The following ESRRB variants were observed in gnomAD, a reference collection of about 807,000 sequenced individuals.
ESRRB encodes the protein estrogen related receptor beta.
ESRRB carries 16 observed loss-of-function variants against 46.0 expected under a neutral mutation model. The ratio of observed to expected loss-of-function variants is 0.35; its 90% confidence interval spans 0.24 to 0.53. The LOEUF is 0.53. ESRRB is among the 20% of genes least tolerant of loss of function. ESRRB has a pLI of 0.93. For missense variants in ESRRB, 488 were observed against 607.4 expected, an observed-to-expected ratio of 0.80 and a Z score of 2.07; for synonymous variants, 246 against 259.6, an observed-to-expected ratio of 0.95 and a Z score of 0.50.
chr14:76,422,993 T>A (rs1887036800), intron 1 of ESRRB, among the ~76,000 whole-genome samples: 1 of 152,184 alleles, frequency 6.6e-6, no homozygotes, highest in Admixed American at 6.5e-5. Flanking sequence ...TAAAATTTAG[T>A]TTTTAGCATT....
intron 1 of ESRRB, among the ~76,000 whole-genome samples, chr14:76,342,211 T>G (rs542569734): frequency 6.6e-6 from 1 of 152,270 alleles, no homozygotes; most frequent in African/African-American, 2.4e-5. Flanking sequence ...TTGTGAGAGT[T>G]CCCAGGAAGG....
At chr14:76,448,782 G>A (rs1016593279) in intron 2 of ESRRB, among the ~76,000 whole-genome samples, 1 of 152,128 alleles carries the variant, frequency 6.6e-6, no homozygotes, top group East Asian at 1.9e-4. Context: ...AGTTGGGCCA[G>A]TTTGCATATG....
intron 3 of ESRRB, among the ~76,000 whole-genome samples, chr14:76,465,284 G>C (rs550970033): frequency 2.5e-4 from 38 of 152,254 alleles, no homozygotes; most frequent in South Asian, 1.0e-3. Context: ...GCACAGGGAT[G>C]GGGGAGGTCG....
chr14:76,489,579 C>T (rs1465964200), intron 5 of ESRRB, among the ~76,000 whole-genome samples: 3 of 152,070 alleles, frequency 2.0e-5, no homozygotes, highest in Non-Finnish European at 4.4e-5. Context: ...GTTGATCACC[C>T]ATGGATTCCA....
chr14:76,452,906 C>T (rs1196228151), intron 2 of ESRRB, among the ~76,000 whole-genome samples: 2 of 152,228 alleles, frequency 1.3e-5, no homozygotes, highest in East Asian at 3.9e-4. Flanking sequence ...TTTGGAATTA[C>T]AGCCCAGAAG....
intron 3 of ESRRB, chr14:76,463,135 T>C (rs1031516060): frequency 1.8e-5 from 4 of 221,930 alleles, no homozygotes; most frequent in African/African-American, 9.2e-5. Context: ...TTGGGAATGC[T>C]GCTCCCTTCC....
intron 1 of ESRRB, among the ~76,000 whole-genome samples, chr14:76,382,361 C>T (rs989562705): frequency 6.6e-6 from 1 of 152,168 alleles, no homozygotes; most frequent in African/African-American, 2.4e-5. Context: ...GGGGCACCTG[C>T]TAGGTGGCTG....
chr14:76,443,809 C>T (rs568693014), intron 2 of ESRRB, among the ~76,000 whole-genome samples: 2 of 152,236 alleles, frequency 1.3e-5, no homozygotes, highest in African/African-American at 4.8e-5. Context: ...ATGAAAGATT[C>T]GTAAATAGTC....
chr14:76,346,446 C>G lies in ESRRB; in HGVS notation c.2+35530C>G, dbSNP rs28777686. On this transcript the variant is annotated intron_variant, in intron 1 of 6. Transcript: ENST00000512784. Reference sequence around the variant, plus strand: ...ATCCCTGGCTCACCCAGGGCAACACCCTTAGTGTCCTGGGTTTGAAAGCAG... The same window carrying G: ...ATCCCTGGCTCACCCAGGGCAACACGCTTAGTGTCCTGGGTTTGAAAGCAG... Among the ~76,000 whole-genome samples, 487 of 152,322 alleles carry G rather than the reference C, an allele frequency of 3.2e-3. 1 individual carries two copies. The highest frequency in any genetic ancestry group is 0.011 in the African/African-American group (455 of 41,580).
Position 76,466,550 on chromosome 14 carries a change from AG to A in ESRRB, c.577+3891del, listed in dbSNP as rs755346032. On this transcript the variant is annotated intron_variant, in intron 3 of 6. Transcript: ENST00000644823. ...ACATCCAGAGCAGACCATGGAAAAC[AG>A]GAGCTGTCCAAAGGCCTATCTTGCT... Among the ~76,000 whole-genome samples the A allele has an allele frequency of 3.8e-3, 575 of 152,238 alleles. 1 individual carries two copies. Among genetic ancestry groups the A allele is most frequent in the African/African-American group, 5.3e-3 (222 of 41,556 alleles).
chr14:76,462,172 T>C (rs1451196813), intron 2 of ESRRB, among the ~76,000 whole-genome samples: 2 of 99,872 alleles, frequency 2.0e-5, no homozygotes, highest in African/African-American at 7.9e-5. Flanking sequence ...GTGGTGGTGG[T>C]GGTGGTGGTG....
At position 76,397,440 on chromosome 14, in the gene ESRRB, C is replaced by T. The variant is rs534789788; in HGVS notation, c.50+20989C>T. 4.6e-5 allele frequency among the ~76,000 whole-genome samples: 7 copies of T among 152,350 alleles called. No individual in the cohort carries two copies. The East Asian group carries it at 9.6e-4, about 21-fold the overall frequency. On this transcript the variant is annotated intron_variant, in intron 1 of 6. Transcript: ENST00000644823. ...TGCTACCCACGCAAAACAGCCAAAG[C>T]GCCAGGTACCCCATCCAGGGTGTCA...
intron 2 of ESRRB, among the ~76,000 whole-genome samples, chr14:76,457,871 C>T (rs973296070): frequency 1.3e-5 from 2 of 152,100 alleles, no homozygotes; most frequent in Admixed American, 1.3e-4. Context: ...GACGGGGTTT[C>T]ACCATGTTGG....
rs116984827 is a variant in ESRRB, at chr14:76,484,579, C to T, written c.850+1820C>T. On this transcript the variant is annotated intron_variant, in intron 5 of 6. Transcript: ENST00000644823. ...TGGCTCACGAGTGGCGCCTGGTGGT[C>T]CCCTGGGTCAATGCTTCCTTCTTCC... is the stretch of plus-strand genomic sequence containing the variant. 5.8e-4 allele frequency among the ~76,000 whole-genome samples: 88 copies of T among 152,160 alleles called. No homozygotes were observed. In the East Asian group the frequency reaches 0.012, roughly 20 times the overall value.
At chr14:76,336,968 C>G (rs1884134093) in intron 1 of ESRRB, among the ~76,000 whole-genome samples, 1 of 152,200 alleles carries the variant, frequency 6.6e-6, no homozygotes, top group Admixed American at 6.5e-5. Context: ...TCTCCACCGC[C>G]CTTCACTATC....
intron 3 of ESRRB, among the ~76,000 whole-genome samples, chr14:76,472,673 A>G (rs1219397523): frequency 6.6e-6 from 1 of 152,250 alleles, no homozygotes; most frequent in Non-Finnish European, 1.5e-5. Flanking sequence ...CTGAGAGTTC[A>G]GGGCATTGCA....
At chr14:76,392,687 G>A (rs577447405) in intron 1 of ESRRB, among the ~76,000 whole-genome samples, 29 of 152,358 alleles carry the variant, frequency 1.9e-4, no homozygotes, top group African/African-American at 5.5e-4. Context: ...AAAGGGGAGC[G>A]CAGACCCTGA....
chr14:76,381,719 C>T (rs1026777846), intron 1 of ESRRB, among the ~76,000 whole-genome samples: 1 of 152,132 alleles, frequency 6.6e-6, no homozygotes, highest in Non-Finnish European at 1.5e-5. Context: ...TCAGAGCCAG[C>T]TTTGGGGAGG....
At chr14:76,428,735 C>T (rs1262549561) in intron 1 of ESRRB, among the ~76,000 whole-genome samples, 2 of 152,170 alleles carry the variant, frequency 1.3e-5, no homozygotes, top group South Asian at 4.1e-4. Flanking sequence ...TTGGTAGAGC[C>T]TCTCTCTTCT....
Sources: gnomAD v4.1 joint callset for allele counts (sites outside exome capture counted in the v4.1 genomes callset) on GRCh38, gnomAD v4.1.1 for gene constraint, MANE v1.5 for transcripts, NCBI Gene and HGNC (gene_info 2026-07-23, HGNC 2026-07-21) for gene names.